The following WDR27 variants were observed in gnomAD, a reference collection of about 807,000 sequenced individuals.
WDR27 encodes WD repeat domain 27.
Under a neutral mutation model 114.4 loss-of-function variants are expected in WDR27, and 100 were observed. That is an observed-to-expected ratio of 0.87 (90% CI 0.74 to 1.03). The LOEUF is 1.03. WDR27 is among the 50% of genes least tolerant of loss of function. The probability of loss-of-function intolerance (pLI) is 0.00; values close to 1 mark genes in which losing one functional copy is unlikely to be tolerated. For synonymous variants in WDR27, 449 were observed against 423.1 expected (o/e 1.06, Z -0.75); for missense variants, 1,129 against 1,092.9 (o/e 1.03, Z -0.47).
rs1791915909 is a variant in WDR27, at chr6:169,505,674, A to G, written c.2646-48040T>C. On this transcript the variant is annotated intron_variant, in intron 25 of 25. Transcript: ENST00000448612. The stretch of plus-strand genomic sequence containing the variant: ...GGATTAGAATCTGCAGCAGCAAACA[A>G]TCCTCAACTGCGTAGAAGGCACACT... Among the ~76,000 whole-genome samples, 3 of 152,208 alleles carry G rather than the reference A, an allele frequency of 2.0e-5. No homozygotes were observed. In the South Asian group the frequency reaches 6.2e-4, roughly 32 times the overall value.
At chr6:169,529,307 C>T (rs1795303367) in intron 25 of WDR27, among the ~76,000 whole-genome samples, 1 of 34,896 alleles carries the variant, frequency 2.9e-5, no homozygotes, top group Non-Finnish European at 7.9e-5. Flanking sequence ...CGGTGGTGAC[C>T]TCTGCGGGGG....
Position 169,667,974 on chromosome 6 carries a change from T to C in WDR27, c.660+8A>G. ...ACGCGGGAACGCCATCCAGCGTCCA[T>C]CCCTCACCTTAAAGCCTCTGTCCTC... On this transcript the variant is annotated splice_region_variant and intron_variant, in intron 5 of 25. Transcript: ENST00000448612. 1 of 1,610,876 alleles carries C rather than the reference T, an allele frequency of 6.2e-7. No homozygotes were observed.
intron 4 of WDR27, chr6:169,669,764 A>G (rs1778205356): frequency 6.6e-6 from 1 of 152,118 alleles, no homozygotes; most frequent in African/African-American, 2.4e-5. Context: ...CATGATGTGA[A>G]CTTTTTAAAT....
chr6:169,635,029 CGCTGTGACATGA>C lies in WDR27; in HGVS notation c.2004-516_2004-505del, dbSNP rs1376309413. 1.2e-4 allele frequency among the ~76,000 whole-genome samples: 18 copies of C among 152,322 alleles called. No homozygotes were observed. In the Middle Eastern group the frequency reaches 0.02, roughly 173 times the overall value. On this transcript the variant is annotated intron_variant, in intron 19 of 25. Transcript: ENST00000448612. ...AGGGCTGTGCCAGCCGAGATGGGAA[CGCTGTGACATGA>C]GCTGACTTGTGAAGCTCCCTCCCAG...
chr6:169,460,608 G>A (rs1784793886), intron 25 of WDR27, among the ~76,000 whole-genome samples: 1 of 152,126 alleles, frequency 6.6e-6, no homozygotes, highest in African/African-American at 2.4e-5. Flanking sequence ...TAGTTTAAAT[G>A]TAAATGGATT....
intron 25 of WDR27, among the ~76,000 whole-genome samples, chr6:169,487,763 G>A (rs1379560937): frequency 6.6e-6 from 1 of 152,174 alleles, no homozygotes. Context: ...CATCCTTGCA[G>A]AAAATTAGCA....
intron 13 of WDR27, among the ~76,000 whole-genome samples, chr6:169,656,527 T>C (rs930493278): frequency 1.3e-5 from 2 of 151,312 alleles, no homozygotes; most frequent in African/African-American, 4.9e-5. Context: ...GGAAAGCATG[T>C]GAGGCGGCTT....
rs1798961399 is a variant in WDR27 at position 169,556,824 on chromosome 6, T to C, written c.2645+15595A>G. Reference sequence around the variant, plus strand: ...TATATGGTAAAGTGCTCAACATCATTCATTACAAAAGAAATGCAAATTAAA... The same window carrying C: ...TATATGGTAAAGTGCTCAACATCATCCATTACAAAAGAAATGCAAATTAAA... On this transcript the variant is annotated intron_variant, in intron 25 of 25. Coordinates refer to ENST00000448612, the MANE Select transcript of WDR27 (RefSeq NM_182552.5). 2.0e-5 allele frequency among the ~76,000 whole-genome samples: 3 copies of C among 152,238 alleles called. No individual in the cohort carries two copies. In the South Asian group the frequency reaches 6.2e-4, roughly 32 times the overall value.
At chr6:169,651,189 G>T (rs1228916881) in intron 14 of WDR27, among the ~76,000 whole-genome samples, 3 of 112,856 alleles carry the variant, frequency 2.7e-5, no homozygotes, top group Non-Finnish European at 5.2e-5. Flanking sequence ...GGGGCGGGGG[G>T]GGGGAGTGGG....
At chr6:169,634,733 G>A (rs1817253809) in intron 19 of WDR27, among the ~76,000 whole-genome samples, 1 of 151,942 alleles carries the variant, frequency 6.6e-6, no homozygotes, top group Admixed American at 6.6e-5. Context: ...CTAATTATTT[G>A]TGGTGATTTT....
At chr6:169,611,266 G>T (rs1810455686) in intron 22 of WDR27, among the ~76,000 whole-genome samples, 1 of 148,982 alleles carries the variant, frequency 6.7e-6, no homozygotes, top group African/African-American at 2.5e-5. Flanking sequence ...TATTTCCTCA[G>T]TAATAAATTA....
chr6:169,630,451 G>C (rs914705081), intron 21 of WDR27, among the ~76,000 whole-genome samples: 49 of 152,088 alleles, frequency 3.2e-4, no homozygotes, highest in Admixed American at 3.1e-3. Context: ...TCTGCACTCA[G>C]GTATCTTAAA....
chr6:169,523,441 G>A (rs1300437209), intron 25 of WDR27, among the ~76,000 whole-genome samples: 1 of 151,992 alleles, frequency 6.6e-6, no homozygotes, highest in Non-Finnish European at 1.5e-5. Context: ...CTCATCCTAT[G>A]AGGCCAGCAT....
intron 22 of WDR27, among the ~76,000 whole-genome samples, chr6:169,613,121 A>G (rs1658838609): frequency 6.6e-6 from 1 of 152,224 alleles, no homozygotes. Flanking sequence ...TAATGATAGT[A>G]TATCTAAGGA....
At chr6:169,457,972 A>ATGGAGGAGG (rs1184467150) in intron 25 of WDR27, among the ~76,000 whole-genome samples, 1 of 24,746 alleles carries the variant, frequency 4.0e-5, no homozygotes, top group East Asian at 4.3e-4. Flanking sequence ...AGCACTCCTG[A>ATGGAGGAGG]CGGAGGAGGA....
At chr6:169,484,470 G>A (rs768505676) in intron 25 of WDR27, among the ~76,000 whole-genome samples, 1 of 152,092 alleles carries the variant, frequency 6.6e-6, no homozygotes, top group Non-Finnish European at 1.5e-5. Flanking sequence ...AACCAGGGAG[G>A]TGAAAGACAT....
At chr6:169,493,586 T>C (rs957359109) in intron 25 of WDR27, among the ~76,000 whole-genome samples, 5 of 152,278 alleles carry the variant, frequency 3.3e-5, no homozygotes, top group Admixed American at 1.3e-4. Context: ...CAGTAACCAA[T>C]TGCTTTTATT....
chr6:169,453,420 G>A (rs948522001), downstream of WDR27, among the ~76,000 whole-genome samples: 2 of 152,074 alleles, frequency 1.3e-5, no homozygotes, highest in African/African-American at 2.4e-5. Context: ...GGGCTGGTTC[G>A]TGCTGTTGCT....
chr6:169,502,224 G>C (rs917671161), intron 25 of WDR27, among the ~76,000 whole-genome samples: 5 of 152,168 alleles, frequency 3.3e-5, no homozygotes, highest in African/African-American at 1.2e-4. Flanking sequence ...CGGGACGACC[G>C]CGGCCTCTGA....
Sources: allele counts gnomAD v4.1 joint callset (sites outside exome capture counted in the v4.1 genomes callset), GRCh38; gene constraint gnomAD v4.1.1; transcripts MANE v1.5; gene names NCBI Gene and HGNC (gene_info 2026-07-23, HGNC 2026-07-21).